PSPC1: variants seen among roughly 807,000 people sequenced by gnomAD.
The protein encoded by PSPC1 is paraspeckle component 1.
Under a neutral mutation model 51.6 loss-of-function variants are expected in PSPC1, and 14 were observed. That is an observed-to-expected ratio of 0.27 (90% CI 0.18 to 0.42). The LOEUF is 0.42. PSPC1 is among the 10% of genes least tolerant of loss of function. The probability of loss-of-function intolerance (pLI) is 1.00; values close to 1 mark genes in which losing one functional copy is unlikely to be tolerated. For missense variants in PSPC1, 406 were observed against 701.1 expected, an observed-to-expected ratio of 0.58 and a Z score of 4.75; for synonymous variants, 193 against 231.9, an observed-to-expected ratio of 0.83 and a Z score of 1.53.
In PSPC1 at chr13:19,759,432, A is replaced by C. The variant is rs1887406268; in HGVS notation, c.675-14T>G. On this transcript the variant is annotated splice_polypyrimidine_tract_variant and intron_variant, in intron 2 of 8. Transcript: ENST00000338910. The stretch of plus-strand genomic sequence containing the variant: ...GGACGAGGGGTCCTGGATAGGTATA[A>C]AAGCATTCATAAAAATTAACACAGT... The C allele has an allele frequency of 6.3e-7, 1 of 1,587,262 alleles. No homozygotes were observed. Among genetic ancestry groups the C allele is most frequent in the African/African-American group, 1.3e-5 (1 of 74,284 alleles).
chr13:19,767,358 C>T (rs903805861), intron 2 of PSPC1, among the ~76,000 whole-genome samples: 2 of 151,936 alleles, frequency 1.3e-5, no homozygotes, highest in Non-Finnish European at 2.9e-5. Context: ...GCTTACAAAT[C>T]AGCAACTAAG....
rs758385580 is a variant in PSPC1, at chr13:19,782,697, C to T, written c.61G>A (p.Ala21Thr). The T allele has an allele frequency of 6.4e-7, 1 of 1,572,182 alleles. No individual in the cohort carries two copies. Among genetic ancestry groups the T allele is most frequent in the Non-Finnish European group, 8.6e-7 (1 of 1,168,670 alleles). Residue 21 changes from alanine (A) to threonine (T), a missense_variant, in exon 1 of 9, where the codon GCC becomes ACC. Transcript: ENST00000338910. This position sits in a 1 kb window ranked among gnomAD's most constrained non-coding sequence, Gnocchi z 4.5. ...RIEKNPARLRALESAVGESEP... is the reference protein window; with the variant it reads ...RIEKNPARLRTLESAVGESEP... Reference sequence around the variant, plus strand: ...CTCTCGCCCACCGCGGACTCCAGGGCGCGAAGGCGGGCCGGGTTTTTCTCA... The same window carrying T: ...CTCTCGCCCACCGCGGACTCCAGGGTGCGAAGGCGGGCCGGGTTTTTCTCA...
chr13:19,689,443 T>C (rs1334497656), intron 6 of PSPC1, among the ~76,000 whole-genome samples: 1 of 152,198 alleles, frequency 6.6e-6, no homozygotes, highest in Non-Finnish European at 1.5e-5. Flanking sequence ...TCCATTTATT[T>C]ATGCTCCAAA....
At position 19,740,978 on chromosome 13, in the gene PSPC1, G is replaced by A. The variant is rs1233938957; in HGVS notation, c.1052+587C>T. On this transcript the variant is annotated intron_variant, in intron 5 of 8. Coordinates refer to ENST00000338910, the MANE Select transcript of PSPC1 (RefSeq NM_001354909.2). ...CAACCTCCGCCTCCTGGATTCAAGC[G>A]ATTCTCCTGCCTCAACGCCCTGAGT... Among the ~76,000 whole-genome samples the A allele has an allele frequency of 4.0e-5, 6 of 151,764 alleles. No individual in the cohort carries two copies. The East Asian group carries it at 7.7e-4, about 20-fold the overall frequency.
intron 2 of PSPC1, among the ~76,000 whole-genome samples, chr13:19,771,979 T>C (rs1366909973): frequency 1.3e-5 from 2 of 152,206 alleles, no homozygotes; most frequent in Non-Finnish European, 1.5e-5. Context: ...CTTAAGTTTA[T>C]AGATTTTACT....
downstream of PSPC1, among the ~76,000 whole-genome samples, chr13:19,701,877 T>C (rs1042678228): frequency 3.2e-4 from 48 of 152,202 alleles, no homozygotes; most frequent in African/African-American, 1.1e-3. Context: ...TCATATATGA[T>C]TCCTTAAATG....
chr13:19,720,200 C>A (rs1161025142), intron 6 of PSPC1, among the ~76,000 whole-genome samples: 1 of 152,036 alleles, frequency 6.6e-6, no homozygotes, highest in Non-Finnish European at 1.5e-5. Context: ...AAAATCTTAC[C>A]AAAGTTCACA....
intron 4 of PSPC1, among the ~76,000 whole-genome samples, chr13:19,750,843 C>G (rs1886474559): frequency 6.6e-6 from 1 of 152,014 alleles, no homozygotes; most frequent in Non-Finnish European, 1.5e-5. Context: ...GATCTCAGCT[C>G]ACAGCAACCT....
At chr13:19,702,074 T>A (rs985604940), downstream of PSPC1, among the ~76,000 whole-genome samples, 1 of 149,644 alleles carries the variant, frequency 6.7e-6, no homozygotes, top group Non-Finnish European at 1.5e-5. Flanking sequence ...ATCTGCTTTT[T>A]AAAATCACCT....
intron 3 of PSPC1, among the ~76,000 whole-genome samples, chr13:19,753,069 C>G (rs908412572): frequency 4.0e-5 from 6 of 151,532 alleles, no homozygotes; most frequent in Non-Finnish European, 5.9e-5. Context: ...GATCACAACA[C>G]CAGGAGTTCA....
intron 6 of PSPC1, among the ~76,000 whole-genome samples, chr13:19,695,499 CAA>C (rs1357466551): frequency 3.9e-5 from 6 of 152,050 alleles, no homozygotes; most frequent in Admixed American, 3.9e-4. Context: ...AGCCAAGAAA[CAA>C]AAGAAGTAGT....
intron 8 of PSPC1, among the ~76,000 whole-genome samples, chr13:19,705,278 AG>A (rs1880501453): frequency 6.6e-6 from 1 of 152,226 alleles, no homozygotes; most frequent in Admixed American, 6.5e-5. Flanking sequence ...GCGGATCACG[AG>A]GTCAGGAGTT....
intron 6 of PSPC1, among the ~76,000 whole-genome samples, chr13:19,717,757 T>C (rs889736197): frequency 6.7e-6 from 1 of 149,944 alleles, no homozygotes; most frequent in Non-Finnish European, 1.5e-5. Context: ...TGCACCCCTG[T>C]ATCCCAGCTA....
At chr13:19,718,112 C>T (rs1689561030) in intron 6 of PSPC1, among the ~76,000 whole-genome samples, 1 of 152,128 alleles carries the variant, frequency 6.6e-6, no homozygotes, top group African/African-American at 2.4e-5. Context: ...AACTCAATAG[C>T]ATGTAAACTT....
intron 3 of PSPC1, among the ~76,000 whole-genome samples, chr13:19,755,766 C>T (rs1887007096): frequency 6.6e-6 from 1 of 152,136 alleles, no homozygotes; most frequent in South Asian, 2.1e-4. Flanking sequence ...CCAATCTCTA[C>T]ACACTGAAGA....
intron 5 of PSPC1, among the ~76,000 whole-genome samples, chr13:19,732,610 A>G (rs1383312847): frequency 6.6e-6 from 1 of 152,172 alleles, no homozygotes; most frequent in Non-Finnish European, 1.5e-5. Context: ...TTCACGTCAG[A>G]TTGCCACCTG....
In PSPC1 at chr13:19,772,289, T is replaced by C. The variant is rs368714209; in HGVS notation, c.627A>G (p.Ala209=). 411 of 1,614,084 alleles carry C rather than the reference T, an allele frequency of 2.5e-4. No individual in the cohort carries two copies. Among genetic ancestry groups the C allele is most frequent in the Middle Eastern group, 3.3e-4 (2 of 6,084 alleles). The change falls in exon 2 of 9, where the codon GCA becomes GCG. Residue 209 remains alanine, a synonymous_variant. Coordinates refer to ENST00000338910, the MANE Select transcript of PSPC1 (RefSeq NM_001354909.2). ...GFVEFAAKPP[A]RKALERCGDG... ...CACCACATCTTTCCAGAGCCTTTCG[T>C]GCAGGAGGTTTTGCTGCAAACTCTA...
Position 19,717,433 on chromosome 13 carries a change from C to T in PSPC1, c.1159-7834G>A, listed in dbSNP as rs139323401. Among the ~76,000 whole-genome samples, 1,286 of 151,208 alleles carry T rather than the reference C, an allele frequency of 8.5e-3. 20 individuals are homozygous for T. Among genetic ancestry groups the T allele is most frequent in the African/African-American group, 0.029 (1,204 of 41,156 alleles). On this transcript the variant is annotated intron_variant, in intron 6 of 8. Coordinates refer to ENST00000338910, the MANE Select transcript of PSPC1 (RefSeq NM_001354909.2). Reference sequence around the variant, plus strand: ...ATACAAAAGAAATTAAGGCCAAGCACGGTGGCTCAAGCCTGTAATCCAAGC... The same window carrying T: ...ATACAAAAGAAATTAAGGCCAAGCATGGTGGCTCAAGCCTGTAATCCAAGC...
At chr13:19,680,536 TAAGACAA>T (rs1157812517) in intron 6 of PSPC1, among the ~76,000 whole-genome samples, 4 of 152,154 alleles carry the variant, frequency 2.6e-5, no homozygotes, top group Non-Finnish European at 5.9e-5. Flanking sequence ...CCTAGAAAGC[TAAGACAA>T]AGACAGCACT....
Sources: allele counts gnomAD v4.1 joint callset (sites outside exome capture counted in the v4.1 genomes callset), GRCh38; gene constraint gnomAD v4.1.1; non-coding constraint Gnocchi (gnomAD v3.1); transcripts MANE v1.5; gene names NCBI Gene and HGNC (gene_info 2026-07-23, HGNC 2026-07-21).